Variants in CHEK1 observed in about 807,000 individuals in gnomAD.
CHEK1 encodes checkpoint kinase 1, also known as serine/threonine-protein kinase Chk1.
Under a neutral mutation model 60.2 loss-of-function variants are expected in CHEK1, and 32 were observed. The ratio of observed to expected loss-of-function variants is 0.53; its 90% CI spans 0.40 to 0.71. The LOEUF is 0.71. CHEK1 is among the 30% of genes least tolerant of loss of function. The pLI, the probability that CHEK1 is intolerant of heterozygous loss-of-function variation, is 0.00. For missense variants in CHEK1, 399 were observed against 564.6 expected (o/e 0.71, Z 2.97); for synonymous variants, 179 against 187.2 (o/e 0.96, Z 0.36).
At chr11:125,654,451 A>G (rs935765008) in intron 12 of CHEK1, among the ~76,000 whole-genome samples, 1 of 152,156 alleles carries the variant, frequency 6.6e-6, no homozygotes, top group Non-Finnish European at 1.5e-5. Flanking sequence ...TATTTTTCTT[A>G]ATTTATGTCT....
At chr11:125,661,845 C>T (rs1942024206), downstream of CHEK1, among the ~76,000 whole-genome samples, 2 of 152,066 alleles carry the variant, frequency 1.3e-5, no homozygotes, top group Admixed American at 1.3e-4. Context: ...TATGTACATA[C>T]ATATCTTTGA....
intron 13 of CHEK1, chr11:125,672,045 A>G (rs1942217366): frequency 6.6e-6 from 1 of 152,322 alleles, no homozygotes; most frequent in Non-Finnish European, 1.5e-5. Flanking sequence ...AAGACTAGAA[A>G]CTCTCAAGAG....
downstream of CHEK1, chr11:125,677,846 G>GT (rs770627715): frequency 1.1e-5 from 18 of 1,613,864 alleles, no homozygotes; most frequent in Non-Finnish European, 1.4e-5. Context: ...CCCCTGAAGC[G>GT]TGCTCACCTG....
At chr11:125,647,716 A>G (rs977649085) in intron 11 of CHEK1, among the ~76,000 whole-genome samples, 5 of 152,216 alleles carry the variant, frequency 3.3e-5, no homozygotes, top group Non-Finnish European at 5.9e-5. Flanking sequence ...GAGATAACTT[A>G]CAGATGGGAC....
At chr11:125,649,061 C>T (rs3731466) in intron 11 of CHEK1, among the ~76,000 whole-genome samples, 2,543 of 152,264 alleles carry the variant, frequency 0.017, 50 homozygotes, top group East Asian at 0.13. Flanking sequence ...AAGTGATCCT[C>T]CTGAGTAGTG....
intron 11 of CHEK1, among the ~76,000 whole-genome samples, chr11:125,649,367 G>A (rs1180009387): frequency 6.6e-6 from 1 of 151,792 alleles, no homozygotes; most frequent in Admixed American, 6.6e-5. Flanking sequence ...CTCTCTTTTG[G>A]TTATTGTTTC....
At chr11:125,648,632 T>C (rs1011403351) in intron 11 of CHEK1, among the ~76,000 whole-genome samples, 4 of 149,916 alleles carry the variant, frequency 2.7e-5, no homozygotes. Context: ...GAAATTGTTT[T>C]ACTTTTTTTT....
downstream of CHEK1, among the ~76,000 whole-genome samples, chr11:125,677,141 C>G (rs1330316299): frequency 6.6e-6 from 1 of 152,182 alleles, no homozygotes; most frequent in Non-Finnish European, 1.5e-5. Context: ...GGACATATTA[C>G]ATTTGCCTCA....
Position 125,674,079 on chromosome 11 carries a change from G to A in CHEK1, c.*28-1849G>A, listed in dbSNP as rs180831973. Among the ~76,000 whole-genome samples, 185 of 152,206 alleles carry A rather than the reference G, an allele frequency of 1.2e-3. 2 individuals are homozygous for A. The highest frequency in any genetic ancestry group is 1.4e-3 in the Non-Finnish European group (93 of 68,008). On this transcript the variant is annotated intron_variant, in intron 13 of 13. Transcript: ENST00000428830. ...GGCAGGAGAATCGCTGGGGGGCAGAGGTTGCAGTGAGCTGAGATCGCGCCA... is the reference window on the plus strand; with the variant it reads ...GGCAGGAGAATCGCTGGGGGGCAGAAGTTGCAGTGAGCTGAGATCGCGCCA...
At chr11:125,644,408 G>T in intron 10 of CHEK1, 104 bp from the exon 11 acceptor site, 2 of 1,479,638 alleles carry the variant, frequency 1.4e-6, no homozygotes, top group Non-Finnish European at 1.8e-6. Flanking sequence ...AAAGAGAGGA[G>T]GGAGGCCTTC....
At chr11:125,669,522 CTTTTTTTTT>C (rs67333022) in intron 13 of CHEK1, among the ~76,000 whole-genome samples, 1 of 114,680 alleles carries the variant, frequency 8.7e-6, no homozygotes, top group Non-Finnish European at 1.8e-5. Context: ...TTCTTTTTTC[CTTTTTTTTT>C]TTTTTTTTTT....
chr11:125,674,179 G>C (rs920014191), intron 13 of CHEK1, among the ~76,000 whole-genome samples: 1 of 152,126 alleles, frequency 6.6e-6, no homozygotes, highest in Non-Finnish European at 1.5e-5. Context: ...AACTATGCTA[G>C]ACTCTGGAGA....
intron 8 of CHEK1, among the ~76,000 whole-genome samples, chr11:125,640,496 C>T (rs1449954747): frequency 2.7e-5 from 4 of 150,200 alleles, no homozygotes; most frequent in South Asian, 2.1e-4. Context: ...GAGCCGAGAT[C>T]GCACCACTGC....
At chr11:125,663,446 C>T (rs1942051843) in intron 13 of CHEK1, among the ~76,000 whole-genome samples, 1 of 152,128 alleles carries the variant, frequency 6.6e-6, no homozygotes, top group Non-Finnish European at 1.5e-5. Context: ...GTTGAAAAGG[C>T]TATCCTTCCT....
At position 125,653,439 on chromosome 11, in the gene CHEK1, C is replaced by T. The variant is rs1941803953; in HGVS notation, c.1234-307C>T. Among the ~76,000 whole-genome samples, 2 of 152,252 alleles carry T rather than the reference C, an allele frequency of 1.3e-5. No individual in the cohort carries two copies. The highest frequency in any genetic ancestry group is 4.8e-5 in the African/African-American group (2 of 41,548). On this transcript the variant is annotated intron_variant, in intron 11 of 12. Transcript: ENST00000438015. This position sits in a 1 kb window ranked among gnomAD's most constrained non-coding sequence, Gnocchi z 4.3. ...ATATGTTGCCCAGCCTGGTCTGAAG[C>T]GATCCTTCTGCTTTGGCCTCCCAAA...
intron 8 of CHEK1, among the ~76,000 whole-genome samples, chr11:125,638,255 T>A (rs1941147526): frequency 6.6e-6 from 1 of 152,172 alleles, no homozygotes; most frequent in Non-Finnish European, 1.5e-5. Flanking sequence ...TTTCCATTGT[T>A]TTTTATGAAT....
intron 13 of CHEK1, among the ~76,000 whole-genome samples, chr11:125,667,663 C>T (rs957874420): frequency 6.6e-6 from 1 of 152,170 alleles, no homozygotes; most frequent in Non-Finnish European, 1.5e-5. Context: ...CTCTGTCACC[C>T]AGGCTGGAGG....
chr11:125,649,566 A>G (rs1249287470), intron 11 of CHEK1, among the ~76,000 whole-genome samples: 1 of 152,058 alleles, frequency 6.6e-6, no homozygotes, highest in Non-Finnish European at 1.5e-5. Flanking sequence ...TCTACTAAAA[A>G]TATTTTAAAA....
chr11:125,644,610 G>A lies in CHEK1; in HGVS notation c.1200G>A (p.Leu400=), dbSNP rs770237718. Residue 400 remains leucine (L), a synonymous_variant, in exon 11 of 13, where the codon TTG becomes TTA. Coordinates refer to ENST00000438015, the MANE Select transcript of CHEK1 (RefSeq NM_001114122.3). ...YQCLKETCEK[L]GYQWKKSCMN... is the part of the protein sequence containing the mutation. The stretch of plus-strand genomic sequence containing the variant: ...GCCTGAAAGAGACTTGTGAGAAGTT[G>A]GGCTATCAATGGAAGAAAAGTTGTA... The A allele has an allele frequency of 3.8e-5, 61 of 1,613,932 alleles. No homozygotes were observed. The highest frequency in any genetic ancestry group is 5.0e-5 in the Non-Finnish European group (59 of 1,180,010).
Sources: gnomAD v4.1 joint callset for allele counts (sites outside exome capture counted in the v4.1 genomes callset) on GRCh38, gnomAD v4.1.1 for gene constraint, Gnocchi (gnomAD v3.1) non-coding constraint, MANE v1.5 for transcripts, NCBI Gene and HGNC (gene_info 2026-07-23, HGNC 2026-07-21) for gene names.